The following SEC22C variants were observed in gnomAD, a reference collection of about 807,000 sequenced individuals.
The protein encoded by SEC22C is vesicle-trafficking protein SEC22c.
Under a neutral mutation model 34.7 loss-of-function variants are expected in SEC22C, and 29 were observed. The observed-to-expected ratio is 0.84, with a 90% CI of 0.62 to 1.14. The LOEUF is 1.14. Ranked by LOEUF, SEC22C falls within the 50% of genes most tolerant of loss-of-function variation. The probability of loss-of-function intolerance (pLI) is 0.00; values close to 1 mark genes in which losing one functional copy is unlikely to be tolerated. For missense variants in SEC22C, 337 were observed against 369.0 expected, an observed-to-expected ratio of 0.91 and a Z score of 0.71; for synonymous variants, 117 against 132.8, an observed-to-expected ratio of 0.88 and a Z score of 0.82.
At chr3:42,589,453 A>G (rs1319936849) in intron 1 of SEC22C, among the ~76,000 whole-genome samples, 1 of 152,062 alleles carries the variant, frequency 6.6e-6, no homozygotes, top group Non-Finnish European at 1.5e-5. Flanking sequence ...TCCCTCCTAA[A>G]TGAAGTGGCC....
At chr3:42,586,792 C>T (rs1383158917), upstream of SEC22C, among the ~76,000 whole-genome samples, 3 of 152,178 alleles carry the variant, frequency 2.0e-5, no homozygotes, top group Non-Finnish European at 4.4e-5. Context: ...TCCAACCTAG[C>T]CTTTGTCCCT....
chr3:42,552,194 T>C lies in SEC22C; in HGVS notation c.*1054A>G. ...TATCAAGCTTTAAAAAGTTAACAGA[T>C]ACTTAACTCTTGTTCATAAAAAATG... On this transcript the variant is annotated 3_prime_UTR_variant, in exon 7 of 7. Transcript: ENST00000264454. The C allele has an allele frequency of 1.0e-6, 1 of 984,696 alleles. No individual in the cohort carries two copies. Among genetic ancestry groups the C allele is most frequent in the Non-Finnish European group, 1.2e-6 (1 of 829,244 alleles). The allele number at this position is 984,696 out of a possible 1,614,324, so 61.0% of individuals were successfully genotyped here.
At chr3:42,601,048 G>A in exon 1 of SEC22C, 1 of 1,581,134 alleles carries the variant, frequency 6.3e-7, no homozygotes, top group Non-Finnish European at 8.6e-7. Flanking sequence ...TCGACATCGA[G>A]ATCAACCGGG....
chr3:42,563,570 GT>G lies in SEC22C; in HGVS notation c.298del (p.Thr100LeufsTer6). On this transcript the variant is annotated frameshift_variant, in exon 3 of 7. Coordinates refer to ENST00000264454, the MANE Select transcript of SEC22C (RefSeq NM_032970.4). LOFTEE classifies it high-confidence loss of function. ...LWWEFTASYDTTCIGLASRPY... is the reference protein window; with the variant it reads ...LWWEFTASYDXTCIGLASRPY... Reference sequence around the variant, plus strand: ...CCTGGAGGCTAGGCCAATGCAGGTAGTGTCATAGGAAGCTGTGAATTCCCAC... The same window carrying G: ...CCTGGAGGCTAGGCCAATGCAGGTAGGTCATAGGAAGCTGTGAATTCCCAC... 3 of 1,614,142 alleles carry G rather than the reference GT, an allele frequency of 1.9e-6. No individual in the cohort carries two copies. The East Asian group carries it at 6.7e-5, about 36-fold the overall frequency.
intron 1 of SEC22C, among the ~76,000 whole-genome samples, chr3:42,593,472 A>AAATACTATGCCATTT (rs1409707528): frequency 6.6e-6 from 1 of 152,154 alleles, no homozygotes; most frequent in Non-Finnish European, 1.5e-5. Context: ...GGTTATATAC[A>AAATACTATGCCATTT]AATACTATGC....
chr3:42,585,677 TAGA>T (rs1301963582), upstream of SEC22C, among the ~76,000 whole-genome samples: 1 of 152,218 alleles, frequency 6.6e-6, no homozygotes, highest in Non-Finnish European at 1.5e-5. Context: ...CTGGCATAAC[TAGA>T]AGGATAGTAA....
At position 42,551,106 on chromosome 3, in the gene SEC22C, A is replaced by G; in HGVS notation, c.*2142T>C. 1.0e-6 allele frequency: 1 copy of G among 982,800 alleles called. No homozygotes were observed. Among genetic ancestry groups the G allele is most frequent in the Non-Finnish European group, 1.2e-6 (1 of 827,626 alleles). 60.9% of individuals were successfully genotyped at this position (982,800 alleles called of 1,614,324 possible). On this transcript the variant is annotated 3_prime_UTR_variant, in exon 7 of 7. Coordinates refer to ENST00000264454, the MANE Select transcript of SEC22C (RefSeq NM_032970.4). The stretch of plus-strand genomic sequence containing the variant: ...ATGGTCTCGATCTCTTGACCTCGTG[A>G]TCTGCCCACCTCAGCTTCCCAAAGT...
At chr3:42,579,976 A>G (rs1704212267) in intron 1 of SEC22C, among the ~76,000 whole-genome samples, 3 of 152,258 alleles carry the variant, frequency 2.0e-5, no homozygotes. Context: ...TTTGTCTAAA[A>G]GTAGAGTGAA....
At chr3:42,557,773 A>G in intron 4 of SEC22C, 77 bp from the exon 5 acceptor site, 1 of 695,104 alleles carries the variant, frequency 1.4e-6, no homozygotes, top group East Asian at 2.6e-5. Flanking sequence ...GACATTAACT[A>G]GACCTACACT....
chr3:42,567,654 T>C (rs1703332703), intron 2 of SEC22C, among the ~76,000 whole-genome samples: 1 of 152,216 alleles, frequency 6.6e-6, no homozygotes, highest in African/African-American at 2.4e-5. Context: ...CAATGGAACA[T>C]TTTCCCCACT....
At chr3:42,583,562 T>C (rs1440735241), upstream of SEC22C, among the ~76,000 whole-genome samples, 1 of 152,178 alleles carries the variant, frequency 6.6e-6, no homozygotes. Context: ...TTTGCGATGA[T>C]TAGTTTTAGA....
intron 2 of SEC22C, among the ~76,000 whole-genome samples, chr3:42,567,335 T>C (rs1030272633): frequency 6.6e-6 from 1 of 152,258 alleles, no homozygotes; most frequent in African/African-American, 2.4e-5. Flanking sequence ...AAAATCTGCC[T>C]TGCCCCTGAT....
At chr3:42,569,894 C>G (rs772760461) in intron 1 of SEC22C, among the ~76,000 whole-genome samples, 1 of 152,152 alleles carries the variant, frequency 6.6e-6, no homozygotes, top group Non-Finnish European at 1.5e-5. Flanking sequence ...GTGTTTTAGC[C>G]CTATCTGTTA....
upstream of SEC22C, among the ~76,000 whole-genome samples, chr3:42,585,800 A>G (rs1454930483): frequency 1.3e-5 from 2 of 152,202 alleles, no homozygotes; most frequent in African/African-American, 2.4e-5. Context: ...CACACAGATC[A>G]GTGCTACATA....
chr3:42,560,862 A>G (rs1007546060), intron 4 of SEC22C, among the ~76,000 whole-genome samples: 3 of 151,614 alleles, frequency 2.0e-5, no homozygotes, highest in Non-Finnish European at 4.4e-5. Flanking sequence ...CTGGTTTCAA[A>G]CTCCTGGACT....
chr3:42,590,997 G>GGGCC, intron 1 of SEC22C: 1 of 1,546,250 alleles, frequency 6.5e-7, no homozygotes, highest in Non-Finnish European at 8.7e-7. Flanking sequence ...GCGGGCGGGC[G>GGGCC]GAGAGAAGTC....
At chr3:42,559,554 T>C (rs1278756282) in intron 4 of SEC22C, among the ~76,000 whole-genome samples, 1 of 152,248 alleles carries the variant, frequency 6.6e-6, no homozygotes, top group African/African-American at 2.4e-5. Context: ...ATCCAAGTAT[T>C]GGTTGAAACA....
intron 1 of SEC22C, chr3:42,600,382 C>G (rs578114005): frequency 5.3e-5 from 8 of 152,256 alleles, no homozygotes; most frequent in African/African-American, 1.9e-4. Context: ...CTCGCGGTAT[C>G]GGAAAATGCG....
At chr3:42,558,462 T>G (rs1212898211) in intron 4 of SEC22C, among the ~76,000 whole-genome samples, 1 of 138,638 alleles carries the variant, frequency 7.2e-6, no homozygotes, top group Admixed American at 7.6e-5. Flanking sequence ...CACTCAAGCC[T>G]AGGCAACATA....
Sources: gnomAD v4.1 joint callset for allele counts (sites outside exome capture counted in the v4.1 genomes callset) on GRCh38, gnomAD v4.1.1 for gene constraint, MANE v1.5 for transcripts, NCBI Gene and HGNC (gene_info 2026-07-23, HGNC 2026-07-21) for gene names.